FAT4: variants seen among roughly 807,000 people sequenced by gnomAD.
FAT4 encodes FAT atypical cadherin 4.
Under a neutral mutation model 303.9 loss-of-function variants are expected in FAT4, and 84 were observed. The ratio of observed to expected loss-of-function variants is 0.28; its 90% CI spans 0.23 to 0.33. FAT4 has a LOEUF of 0.33. FAT4 is among the 10% of genes least tolerant of loss of function. FAT4 has a pLI of 1.00. For synonymous variants in FAT4, 2,307 were observed against 2,298.8 expected, an observed-to-expected ratio of 1.00 and a Z score of -0.10; for missense variants, 6,005 against 6,146.8, an observed-to-expected ratio of 0.98 and a Z score of 0.77.
At chr4:125,360,488 G>A (rs142339140) in intron 2 of FAT4, among the ~76,000 whole-genome samples, 111 of 152,120 alleles carry the variant, frequency 7.3e-4, no homozygotes, top group African/African-American at 2.4e-3. Flanking sequence ...TTGCTCCCTC[G>A]GTAGAGTCCC....
rs1350961617 is a variant in FAT4, at chr4:125,492,740, T to C, written c.*972T>C. ...ACTGTGTAAAAACTTTTTTTACACC[T>C]AAGCTGTGTTTTTGATACTGATATT... On this transcript the variant is annotated 3_prime_UTR_variant, in exon 18 of 18. Coordinates refer to ENST00000394329, the MANE Select transcript of FAT4 (RefSeq NM_001291303.3). 1 of 152,524 alleles carries C rather than the reference T, an allele frequency of 6.6e-6. No individual in the cohort carries two copies. The highest frequency in any genetic ancestry group is 1.5e-5 in the Non-Finnish European group (1 of 68,008). 9.4% of individuals were successfully genotyped at this position (152,524 alleles called of 1,614,324 possible). A position where few individuals can be genotyped will look rare whatever the true frequency, so the allele number is the denominator to read the frequency against.
chr4:125,347,168 G>T (rs1732036042), intron 2 of FAT4, among the ~76,000 whole-genome samples: 1 of 150,566 alleles, frequency 6.6e-6, no homozygotes, highest in African/African-American at 2.4e-5. Flanking sequence ...CCAAACCATA[G>T]ATATATATTA....
Position 125,415,618 on chromosome 4 carries a change from A to G in FAT4, c.6655A>G (p.Arg2219Gly). 1 of 1,614,054 alleles carries G rather than the reference A, an allele frequency of 6.2e-7. No homozygotes were observed. The highest frequency in any genetic ancestry group is 8.5e-7 in the Non-Finnish European group (1 of 1,179,960). Residue 2219 changes from arginine (R) to glycine (G), a missense_variant, in exon 6 of 18, where the codon AGA (arginine) becomes GGA (glycine). By Grantham distance (125) the Arg-to-Gly change is moderately radical (BLOSUM62 -2). Transcript: ENST00000394329. ...CATCACTGTCGCTAAACCTTTGGAT[A>G]GAGAAAAGACCCCTACCTACCATTT... ...GAITVAKPLDREKTPTYHLTV... is the reference protein window; with the variant it reads ...GAITVAKPLDGEKTPTYHLTV...
intron 3 of FAT4, 48 bp downstream of exon 3, chr4:125,398,963 T>C (rs1196596142): frequency 6.3e-7 from 1 of 1,591,110 alleles, no homozygotes; most frequent in Admixed American, 1.7e-5. Context: ...AGTGCAGTGA[T>C]TTATCAAATT....
chr4:125,451,300 C>G lies in FAT4; in HGVS notation c.10290C>G (p.Ala3430=). 6.2e-7 allele frequency: 1 copy of G among 1,614,114 alleles called. No individual in the cohort carries two copies. The change falls in exon 10 of 18, where the codon GCC becomes GCG. Residue 3430 remains alanine, a synonymous_variant. Coordinates refer to ENST00000394329, the MANE Select transcript of FAT4 (RefSeq NM_001291303.3). ...GAACTCATGTGACCTTTGTCAGTGC[C>G]TTTGACTCAGACTCCATCCCCAGCT... ...PIGTHVTFVS[A]FDSDSIPSWS...
chr4:125,463,363 G>A (rs2126071243), intron 10 of FAT4, among the ~76,000 whole-genome samples, 200 bp from the exon 11 acceptor site: 1 of 151,978 alleles, frequency 6.6e-6, no homozygotes, highest in East Asian at 1.9e-4. Flanking sequence ...GTATTATAAT[G>A]CACATTTTAC....
intron 2 of FAT4, among the ~76,000 whole-genome samples, chr4:125,329,299 A>G (rs1404209855): frequency 2.6e-5 from 4 of 152,224 alleles, no homozygotes; most frequent in African/African-American, 7.2e-5. Flanking sequence ...TGAGGCCACT[A>G]TGATGGACAC....
chr4:125,477,723 A>C (rs1727081985), intron 14 of FAT4, among the ~76,000 whole-genome samples: 1 of 152,080 alleles, frequency 6.6e-6, no homozygotes, highest in African/African-American at 2.4e-5. Context: ...AAATAGTTTT[A>C]CTTATAGACA....
rs2125942185 is a variant in FAT4 at position 125,319,126 on chromosome 4, T to C, written c.2715T>C (p.Asn905=). The C allele has an allele frequency of 1.2e-6, 2 of 1,614,084 alleles. No individual in the cohort carries two copies. The highest frequency in any genetic ancestry group is 1.7e-6 in the Non-Finnish European group (2 of 1,179,990). The part of the protein sequence containing the change: ...QAIESVNVVE[N]WQAGHSIFQA... ...TAGAGAGTGTAAATGTGGTGGAGAA[T>C]TGGCAGGCAGGTCACAGCATTTTCC... The change falls in exon 2 of 18, where the codon AAT becomes AAC. Residue 905 remains asparagine (N), a synonymous_variant. Transcript: ENST00000394329.
chr4:125,346,437 G>A (rs1447617285), intron 2 of FAT4, among the ~76,000 whole-genome samples: 1 of 151,602 alleles, frequency 6.6e-6, no homozygotes, highest in East Asian at 1.9e-4. Flanking sequence ...AAACCAATGA[G>A]CACAAAACCT....
rs557732280 is a variant in FAT4 at position 125,452,171 on chromosome 4, G to T, written c.11161G>T (p.Val3721Leu). The T allele has an allele frequency of 4.3e-6, 7 of 1,614,066 alleles. No individual in the cohort carries two copies. In the African/African-American group the frequency reaches 8.0e-5, roughly 18 times the overall value. ...TAACAGCATCTTACTTCGTCTCGGCGTACCAACAGTAAAGGACTTCTTGAC... is the reference window on the plus strand; with the variant it reads ...TAACAGCATCTTACTTCGTCTCGGCTTACCAACAGTAAAGGACTTCTTGAC... Reference protein sequence around the residue: ...VDNSILLRLGVPTVKDFLTNH... With the variant: ...VDNSILLRLGLPTVKDFLTNH... Residue 3721 changes from valine to leucine, a missense_variant, in exon 10 of 18, where the codon GTA (valine) becomes TTA (leucine). Transcript: ENST00000394329.
rs1333148350 is a variant in FAT4 at position 125,452,030 on chromosome 4, C to A, written c.11020C>A (p.Pro3674Thr). The change falls in exon 10 of 18, where the codon CCA becomes ACA. Residue 3674 changes from proline (P) to threonine (T), a missense_variant. Coordinates refer to ENST00000394329, the MANE Select transcript of FAT4 (RefSeq NM_001291303.3). ...GGGTACTTGTGATCTGAATTCCCAG[C>A]CAAGGTCCACAGATGGCACGTTTGA... The part of the protein sequence containing the change: ...PGGTCDLNSQ[P>T]RSTDGTFDLT... 1 of 1,614,000 alleles carries A rather than the reference C, an allele frequency of 6.2e-7. No individual in the cohort carries two copies. Among genetic ancestry groups the A allele is most frequent in the African/African-American group, 1.3e-5 (1 of 74,904 alleles).
intron 2 of FAT4, among the ~76,000 whole-genome samples, chr4:125,370,789 CA>C: frequency 6.6e-6 from 1 of 151,968 alleles, no homozygotes; most frequent in East Asian, 1.9e-4. Context: ...TTCAAATTGA[CA>C]AAAATTTTCA....
chr4:125,449,939 G>T lies in FAT4; in HGVS notation c.8929G>T (p.Asp2977Tyr). 1 of 1,613,738 alleles carries T rather than the reference G, an allele frequency of 6.2e-7. No individual in the cohort carries two copies. The highest frequency in any genetic ancestry group is 1.3e-5 in the African/African-American group (1 of 75,004). ...SETTVTINIVDSNDNAPQFLK... is the reference protein window; with the variant it reads ...SETTVTINIVYSNDNAPQFLK... ...GACAACAGTTACCATCAATATAGTGGACAGTAATGACAATGCACCTCAATT... is the reference window on the plus strand; with the variant it reads ...GACAACAGTTACCATCAATATAGTGTACAGTAATGACAATGCACCTCAATT... The change falls in exon 10 of 18, where the codon GAC becomes TAC. Residue 2977 changes from aspartate to tyrosine, a missense_variant. Asp to Tyr is a radical substitution (Grantham distance 160, BLOSUM62 -3). Coordinates refer to ENST00000394329, the MANE Select transcript of FAT4 (RefSeq NM_001291303.3).
Position 125,432,262 on chromosome 4 carries a change from A to G in FAT4, c.7019-1983A>G, listed in dbSNP as rs192184859. On this transcript the variant is annotated intron_variant, in intron 7 of 17. Coordinates refer to ENST00000394329, the MANE Select transcript of FAT4 (RefSeq NM_001291303.3). ...GGTAAAGACTCCAGGGCTGCTTTAC[A>G]TGGGTCACATCTCAGTGACATTCCT... Among the ~76,000 whole-genome samples the G allele has an allele frequency of 4.4e-4, 67 of 152,302 alleles. 1 individual carries two copies. Among genetic ancestry groups the G allele is most frequent in the African/African-American group, 1.3e-3 (56 of 41,578 alleles).
intron 8 of FAT4, among the ~76,000 whole-genome samples, chr4:125,440,375 A>G (rs1268733515): frequency 1.3e-4 from 20 of 151,956 alleles, no homozygotes; most frequent in Admixed American, 1.3e-3. Flanking sequence ...GACTTTTCTA[A>G]GTCCTTATTC....
chr4:125,421,998 T>C (rs566119703), intron 7 of FAT4, among the ~76,000 whole-genome samples: 147 of 152,298 alleles, frequency 9.7e-4, no homozygotes, highest in African/African-American at 3.3e-3. Context: ...AAATATTTTC[T>C]TTTTTACTTT....
Position 125,319,779 on chromosome 4 carries a change from G to T in FAT4, c.3368G>T (p.Ser1123Ile), listed in dbSNP as rs370521218. 7.4e-6 allele frequency: 12 copies of T among 1,614,104 alleles called. No homozygotes were observed. In the African/African-American group the frequency reaches 1.6e-4, roughly 22 times the overall value. ...QRAGSFVGKV[S>I]AVDKDFGPNG... ...GCTGGGTCGTTTGTGGGCAAAGTAA[G>T]TGCTGTAGATAAAGACTTTGGGCCA... Residue 1123 changes from serine (S) to isoleucine (I), a missense_variant, in exon 2 of 18, where the codon AGT becomes ATT. Physicochemically the swap from Ser to Ile is moderately radical, Grantham distance 142 (BLOSUM62 -2). Coordinates refer to ENST00000394329, the MANE Select transcript of FAT4 (RefSeq NM_001291303.3).
At chr4:125,369,191 T>G (rs1343185678) in intron 2 of FAT4, among the ~76,000 whole-genome samples, 4 of 152,212 alleles carry the variant, frequency 2.6e-5, no homozygotes, top group Non-Finnish European at 5.9e-5. Flanking sequence ...AGATGCAGTT[T>G]CAGGTAAATA....
Sources: gnomAD v4.1 joint callset for allele counts (sites outside exome capture counted in the v4.1 genomes callset) on GRCh38, gnomAD v4.1.1 for gene constraint, MANE v1.5 for transcripts, NCBI Gene and HGNC (gene_info 2026-07-23, HGNC 2026-07-21) for gene names.